The following PLCB1 variants were observed in gnomAD, a reference collection of about 807,000 sequenced individuals.
PLCB1 encodes the protein 1-phosphatidylinositol 4,5-bisphosphate phosphodiesterase beta-1.
A neutral mutation model predicts 161.8 loss-of-function variants in PLCB1; 46 were observed. The ratio of observed to expected loss-of-function variants is 0.28; its 90% CI spans 0.22 to 0.36. The LOEUF (loss-of-function observed/expected upper bound fraction) is 0.36. Ranked by LOEUF, PLCB1 falls within the 10% of genes least tolerant of loss-of-function variation. PLCB1 has a pLI of 1.00. For missense variants in PLCB1, 1,016 were observed against 1,472.5 expected (o/e 0.69, Z 5.07); for synonymous variants, 517 against 503.7 (o/e 1.03, Z -0.35).
chr20:8,845,874 G>C (rs1040423508), intron 31 of PLCB1, among the ~76,000 whole-genome samples: 2 of 152,170 alleles, frequency 1.3e-5, no homozygotes, highest in Non-Finnish European at 2.9e-5. Context: ...CATTAAGTAC[G>C]CAATGCGGAC....
intron 2 of PLCB1, among the ~76,000 whole-genome samples, chr20:8,293,121 A>G (rs1429367250): frequency 1.3e-5 from 2 of 152,170 alleles, no homozygotes; most frequent in Non-Finnish European, 2.9e-5. Flanking sequence ...AAGTCTGTAA[A>G]TATTGAGAAG....
At chr20:8,654,850 G>T (rs1335619208) in intron 7 of PLCB1, among the ~76,000 whole-genome samples, 1 of 152,004 alleles carries the variant, frequency 6.6e-6, no homozygotes, top group African/African-American at 2.4e-5. Context: ...CAAGGAATTA[G>T]GGATTATCCA....
At chr20:8,369,850 G>A (rs1165425679) in intron 2 of PLCB1, among the ~76,000 whole-genome samples, 1 of 152,192 alleles carries the variant, frequency 6.6e-6, no homozygotes, top group Non-Finnish European at 1.5e-5. Flanking sequence ...TGGACCTTCT[G>A]TGTGGGTTTG....
intron 2 of PLCB1, among the ~76,000 whole-genome samples, chr20:8,240,719 C>T (rs999472490): frequency 6.6e-6 from 1 of 151,924 alleles, no homozygotes; most frequent in Non-Finnish European, 1.5e-5. Context: ...GAAGGTAAGG[C>T]ACAGAGATTT....
chr20:8,826,450 C>T (rs1176757734), intron 31 of PLCB1, among the ~76,000 whole-genome samples: 4 of 149,244 alleles, frequency 2.7e-5, no homozygotes, highest in South Asian at 2.1e-4. Flanking sequence ...AGCAGGAGAT[C>T]GCGCCACTGC....
intron 3 of PLCB1, among the ~76,000 whole-genome samples, chr20:8,390,591 AT>A (rs777721843): frequency 2.0e-5 from 3 of 152,148 alleles, no homozygotes; most frequent in African/African-American, 4.8e-5. Context: ...AGAAAAGTAG[AT>A]TTTTTTCTTT....
At position 8,602,215 on chromosome 20, in the gene PLCB1, GT is replaced by G. The variant is rs1270626622; in HGVS notation, c.247-26069del. ...GAAGAGTATATGACACCAACACCAA[GT>G]TTTTTTTTTAATCAAAAGCAAGGTT... On this transcript the variant is annotated intron_variant, in intron 3 of 31. Coordinates refer to ENST00000338037, the MANE Select transcript of PLCB1 (RefSeq NM_015192.4). Among the ~76,000 whole-genome samples, 4 of 149,136 alleles carry G rather than the reference GT, an allele frequency of 2.7e-5. 1 individual carries two copies. The highest frequency in any genetic ancestry group is 4.2e-4 in the South Asian group (2 of 4,738).
intron 31 of PLCB1, among the ~76,000 whole-genome samples, chr20:8,803,037 C>G (rs1997751): frequency 0.27 from 41,218 of 152,008 alleles, 5,775 homozygotes; most frequent in Middle Eastern, 0.35. Flanking sequence ...AGTATTTGTT[C>G]ATCTGTGAAA....
chr20:8,151,813 A>G lies in PLCB1; in HGVS notation c.177+1442A>G, dbSNP rs115567175. 6.7e-3 allele frequency among the ~76,000 whole-genome samples: 1,023 copies of G among 152,204 alleles called. 12 individuals are homozygous for G. The highest frequency in any genetic ancestry group is 0.023 in the African/African-American group (966 of 41,522). On this transcript the variant is annotated intron_variant, in intron 2 of 31. Transcript: ENST00000338037. Reference sequence around the variant, plus strand: ...ACCAAACTGTCAGTTTGATTTTTCAACTTGTAGATCAAGCTTCTATAAAAG... The same window carrying G: ...ACCAAACTGTCAGTTTGATTTTTCAGCTTGTAGATCAAGCTTCTATAAAAG...
At chr20:8,235,240 T>C (rs1211134323) in intron 2 of PLCB1, among the ~76,000 whole-genome samples, 2 of 152,160 alleles carry the variant, frequency 1.3e-5, no homozygotes, top group Non-Finnish European at 2.9e-5. Flanking sequence ...TATTTACTAG[T>C]AATTCACATA....
rs181710566 is a variant in PLCB1 at position 8,748,846 on chromosome 20, C to A, written c.2523+7273C>A. Among the ~76,000 whole-genome samples the A allele has an allele frequency of 7.6e-4, 115 of 152,274 alleles. 1 individual carries two copies. The highest frequency in any genetic ancestry group is 2.7e-3 in the African/African-American group (114 of 41,566). On this transcript the variant is annotated intron_variant, in intron 23 of 31. Coordinates refer to ENST00000338037, the MANE Select transcript of PLCB1 (RefSeq NM_015192.4). ...TGCCACAGGGGGACAAAGCGGGTAA[C>A]TATGTGAGATGATGGATATGTCTAT...
chr20:8,381,483 C>CT (rs561362217), intron 3 of PLCB1, among the ~76,000 whole-genome samples: 4 of 152,118 alleles, frequency 2.6e-5, no homozygotes, highest in Non-Finnish European at 5.9e-5. Flanking sequence ...GGAGTCCCCC[C>CT]TTTTCATTTG....
intron 3 of PLCB1, among the ~76,000 whole-genome samples, chr20:8,610,763 T>C (rs1987884281): frequency 6.6e-6 from 1 of 152,140 alleles, no homozygotes. Context: ...CTCTTGGTTA[T>C]GTAAGAAACC....
At chr20:8,571,250 G>T (rs951417611) in intron 3 of PLCB1, among the ~76,000 whole-genome samples, 4 of 152,182 alleles carry the variant, frequency 2.6e-5, no homozygotes, top group Non-Finnish European at 5.9e-5. Flanking sequence ...GGGAGGCTGG[G>T]ACAGAGGGAT....
chr20:8,623,702 AATACTT>A (rs1988250088), intron 3 of PLCB1, among the ~76,000 whole-genome samples: 1 of 152,218 alleles, frequency 6.6e-6, no homozygotes, highest in South Asian at 2.1e-4. Context: ...GTGGGAAAGA[AATACTT>A]AAACAAGTAA....
intron 9 of PLCB1, among the ~76,000 whole-genome samples, chr20:8,662,209 A>T (rs1243736712): frequency 8.8e-5 from 6 of 67,878 alleles, no homozygotes; most frequent in Non-Finnish European, 2.7e-5. Context: ...ATTCTATATT[A>T]TATATAATTA....
At position 8,750,469 on chromosome 20, in the gene PLCB1, C is replaced by T. The variant is rs144934933; in HGVS notation, c.2524-6577C>T. Among the ~76,000 whole-genome samples, 466 of 152,216 alleles carry T rather than the reference C, an allele frequency of 3.1e-3. 9 individuals are homozygous for T. Among genetic ancestry groups the T allele is most frequent in the Admixed American group, 0.026 (404 of 15,286 alleles). ...AAGGAACACCTATATATCAGCCACCCGGATTCCATAATTAAAATTTTGATG... is the reference window on the plus strand; with the variant it reads ...AAGGAACACCTATATATCAGCCACCTGGATTCCATAATTAAAATTTTGATG... On this transcript the variant is annotated intron_variant, in intron 23 of 31. Coordinates refer to ENST00000338037, the MANE Select transcript of PLCB1 (RefSeq NM_015192.4).
intron 3 of PLCB1, among the ~76,000 whole-genome samples, chr20:8,447,363 G>C (rs548140319): frequency 4.6e-5 from 7 of 152,248 alleles, no homozygotes; most frequent in East Asian, 1.9e-4. Flanking sequence ...TGAAATGGGA[G>C]ACCTAAGACC....
intron 3 of PLCB1, among the ~76,000 whole-genome samples, chr20:8,524,233 A>G (rs1194608936): frequency 6.6e-6 from 1 of 152,178 alleles, no homozygotes; most frequent in Non-Finnish European, 1.5e-5. Context: ...AGAAAAATAA[A>G]CATTTAAAAT....
Sources: allele counts gnomAD v4.1 joint callset (sites outside exome capture counted in the v4.1 genomes callset), GRCh38; gene constraint gnomAD v4.1.1; transcripts MANE v1.5; gene names NCBI Gene and HGNC (gene_info 2026-07-23, HGNC 2026-07-21).